Variants in EBF1 observed in about 807,000 individuals in gnomAD.
EBF1 encodes the protein transcription factor COE1.
A neutral mutation model predicts 68.4 loss-of-function variants in EBF1; 10 were observed. The ratio of observed to expected loss-of-function variants is 0.15; its 90% CI spans 0.09 to 0.25. EBF1 has a LOEUF of 0.25. Ranked by LOEUF, EBF1 falls within the 10% of genes least tolerant of loss-of-function variation. The pLI is 1.00. For missense variants in EBF1, 509 were observed against 794.4 expected (o/e 0.64, Z 4.32); for synonymous variants, 298 against 299.8 (o/e 0.99, Z 0.06).
chr5:159,070,246 C>T (rs753405270), intron 6 of EBF1, among the ~76,000 whole-genome samples: 1 of 152,128 alleles, frequency 6.6e-6, no homozygotes, highest in Non-Finnish European at 1.5e-5. Context: ...TGTAACCTGG[C>T]ATTCAACTCC....
chr5:158,711,936 T>C (rs917589634), intron 14 of EBF1, among the ~76,000 whole-genome samples: 1 of 152,212 alleles, frequency 6.6e-6, no homozygotes, highest in South Asian at 2.1e-4. Flanking sequence ...ACATTCTGAC[T>C]GTTAGGGAGA....
At chr5:158,909,462 TTG>T (rs1329736306) in intron 6 of EBF1, among the ~76,000 whole-genome samples, 4 of 152,182 alleles carry the variant, frequency 2.6e-5, no homozygotes, top group Non-Finnish European at 5.9e-5. Flanking sequence ...GACCAGATAA[TTG>T]TGTCACCATT....
chr5:158,932,063 G>A (rs544870460), intron 6 of EBF1, among the ~76,000 whole-genome samples: 22 of 152,264 alleles, frequency 1.4e-4, no homozygotes, highest in African/African-American at 5.3e-4. Context: ...TCTCACCCGT[G>A]GGAGGGGAGG....
Position 158,710,167 on chromosome 5 carries a change from C to A in EBF1, c.1549+1987G>T, listed in dbSNP as rs1441598214. ...GGCTTTGTGTTTATTGTTTTATTTG[C>A]ATTTGTGCAGATAAAGCCGTCCCAT... On this transcript the variant is annotated intron_variant, in intron 14 of 15. Transcript: ENST00000313708. 3.3e-5 allele frequency among the ~76,000 whole-genome samples: 5 copies of A among 152,110 alleles called. No homozygotes were observed. The East Asian group carries it at 9.6e-4, about 29-fold the overall frequency.
intron 6 of EBF1, among the ~76,000 whole-genome samples, chr5:159,069,274 T>A (rs1002020306): frequency 4.0e-4 from 61 of 151,782 alleles, no homozygotes; most frequent in African/African-American, 1.4e-3. Context: ...GATGCTCACA[T>A]TGTCACCCTT....
intron 6 of EBF1, among the ~76,000 whole-genome samples, chr5:158,921,435 G>A (rs535887588): frequency 1.4e-3 from 208 of 152,300 alleles, no homozygotes; most frequent in African/African-American, 4.8e-3. Context: ...CTGCTCCTAT[G>A]GTTCCAAGTC....
At chr5:158,864,735 A>G (rs1795569165) in intron 6 of EBF1, among the ~76,000 whole-genome samples, 1 of 152,188 alleles carries the variant, frequency 6.6e-6, no homozygotes, top group Admixed American at 6.5e-5. Flanking sequence ...GGAAATTATG[A>G]TATATTGGCT....
intron 10 of EBF1, among the ~76,000 whole-genome samples, chr5:158,773,162 A>T (rs552612056): frequency 6.6e-6 from 1 of 150,752 alleles, no homozygotes; most frequent in South Asian, 2.1e-4. Flanking sequence ...GCAAGAAGAA[A>T]ATAAGAGGGA....
chr5:158,968,605 TAAAAATGAAGAC>T (rs1461455427), intron 6 of EBF1, among the ~76,000 whole-genome samples: 2 of 152,168 alleles, frequency 1.3e-5, no homozygotes, highest in Admixed American at 1.3e-4. Context: ...AAATATCAGA[TAAAAATGAAGAC>T]AAAACACATA....
At chr5:159,048,794 G>A (rs1383119333) in intron 6 of EBF1, among the ~76,000 whole-genome samples, 4 of 152,200 alleles carry the variant, frequency 2.6e-5, no homozygotes, top group Non-Finnish European at 5.9e-5. Flanking sequence ...GGATCCACAA[G>A]AGACTCTTTC....
At chr5:158,933,625 G>A (rs141633512) in intron 6 of EBF1, among the ~76,000 whole-genome samples, 25 of 152,316 alleles carry the variant, frequency 1.6e-4, no homozygotes, top group Non-Finnish European at 3.2e-4. Context: ...ACCAGGACTT[G>A]CATCTTTGTC....
intron 6 of EBF1, among the ~76,000 whole-genome samples, chr5:158,895,924 T>C (rs1419232076): frequency 1.3e-5 from 2 of 152,194 alleles, no homozygotes; most frequent in Non-Finnish European, 2.9e-5. Context: ...TGAAATGCAT[T>C]CTTGATTCAG....
intron 6 of EBF1, among the ~76,000 whole-genome samples, chr5:158,997,296 C>A (rs1761613486): frequency 1.3e-5 from 2 of 152,178 alleles, no homozygotes. Flanking sequence ...CTCTAAAGAG[C>A]AGAGGCCAGG....
intron 6 of EBF1, among the ~76,000 whole-genome samples, chr5:158,859,994 T>G (rs1794699023): frequency 6.6e-6 from 1 of 152,242 alleles, no homozygotes; most frequent in African/African-American, 2.4e-5. Context: ...CATCACCGTT[T>G]GGTGAATAAA....
At chr5:158,940,886 T>A (rs1442507624) in intron 6 of EBF1, among the ~76,000 whole-genome samples, 1 of 151,346 alleles carries the variant, frequency 6.6e-6, no homozygotes, top group Non-Finnish European at 1.5e-5. Flanking sequence ...AAGGATGGCC[T>A]GTATATGAAT....
intron 5 of EBF1, among the ~76,000 whole-genome samples, chr5:159,079,777 C>A (rs969789089): frequency 6.6e-6 from 1 of 151,832 alleles, no homozygotes; most frequent in Admixed American, 6.6e-5. Context: ...CCACACCCAG[C>A]TGATTTTTGT....
chr5:158,829,160 A>G lies in EBF1; in HGVS notation c.637-5843T>C, dbSNP rs573006146. Among the ~76,000 whole-genome samples the G allele has an allele frequency of 2.0e-5, 3 of 152,200 alleles. No individual in the cohort carries two copies. In the South Asian group the frequency reaches 6.2e-4, roughly 32 times the overall value. ...TATAGAATGTACACACAAACAGTGA[A>G]CTCTAGTGTAAACTTTAAATTGATG... On this transcript the variant is annotated intron_variant, in intron 7 of 15. Transcript: ENST00000313708.
chr5:158,868,845 T>C (rs1227797803), intron 6 of EBF1, among the ~76,000 whole-genome samples: 1 of 152,216 alleles, frequency 6.6e-6, no homozygotes. Context: ...AAACTTGAAA[T>C]GATTTCAACA....
At chr5:159,047,718 C>T (rs1330196488) in intron 6 of EBF1, among the ~76,000 whole-genome samples, 1 of 152,210 alleles carries the variant, frequency 6.6e-6, no homozygotes, top group East Asian at 1.9e-4. Flanking sequence ...CCTTCAAGGT[C>T]CTTCACACAT....
Sources: allele counts gnomAD v4.1 joint callset (sites outside exome capture counted in the v4.1 genomes callset), GRCh38; gene constraint gnomAD v4.1.1; transcripts MANE v1.5; gene names NCBI Gene and HGNC (gene_info 2026-07-23, HGNC 2026-07-21).